MYO1D: variants seen among roughly 807,000 people sequenced by gnomAD.
MYO1D encodes myosin ID.
A neutral mutation model predicts 122.0 loss-of-function variants in MYO1D; 83 were observed. The ratio of observed to expected loss-of-function variants is 0.68; its 90% CI spans 0.57 to 0.82. The LOEUF (loss-of-function observed/expected upper bound fraction) is 0.82. Ranked by LOEUF, MYO1D falls within the 40% of genes least tolerant of loss-of-function variation. MYO1D has a pLI of 0.00. For synonymous variants in MYO1D, 464 were observed against 446.9 expected, an observed-to-expected ratio of 1.04 and a Z score of -0.48; for missense variants, 1,157 against 1,269.5, an observed-to-expected ratio of 0.91 and a Z score of 1.35.
intron 21 of MYO1D, among the ~76,000 whole-genome samples, chr17:32,540,469 T>C (rs544720903): frequency 6.6e-6 from 1 of 151,890 alleles, no homozygotes; most frequent in Admixed American, 6.6e-5. Context: ...GACAGCCCAG[T>C]TGAAAAGTAG....
intron 1 of MYO1D, among the ~76,000 whole-genome samples, chr17:32,808,268 A>T (rs2090536776): frequency 6.6e-6 from 1 of 151,850 alleles, no homozygotes; most frequent in Admixed American, 6.6e-5. Context: ...CTAGTTACTC[A>T]GGGGGCTGAG....
At chr17:32,596,558 T>C (rs1028943406) in intron 21 of MYO1D, among the ~76,000 whole-genome samples, 3 of 152,218 alleles carry the variant, frequency 2.0e-5, no homozygotes, top group Non-Finnish European at 4.4e-5. Flanking sequence ...GTGTGAGTTA[T>C]AAAGAACATA....
rs563722977 is a variant in MYO1D, at chr17:32,540,023, A to G, written c.2865-45108T>C. Among the ~76,000 whole-genome samples, 3 of 152,174 alleles carry G rather than the reference A, an allele frequency of 2.0e-5. No homozygotes were observed. In the East Asian group the frequency reaches 5.8e-4, roughly 29 times the overall value. ...AAACTGAATTTCGTCAAGATCAAAA[A>G]CTTTTGTGCTTCAAAGGATACTGCC... On this transcript the variant is annotated intron_variant, in intron 21 of 21. Coordinates refer to ENST00000318217, the MANE Select transcript of MYO1D (RefSeq NM_015194.3).
chr17:32,676,578 G>T (rs991776363), intron 16 of MYO1D, among the ~76,000 whole-genome samples: 20 of 151,990 alleles, frequency 1.3e-4, no homozygotes, highest in Middle Eastern at 3.4e-3. Context: ...ATGTCCAAGG[G>T]ACTTCTAGAG....
At chr17:32,787,422 CTTT>C (rs755065126) in intron 1 of MYO1D, among the ~76,000 whole-genome samples, 1 of 142,384 alleles carries the variant, frequency 7.0e-6, no homozygotes, top group Non-Finnish European at 1.5e-5. Flanking sequence ...GGTATGTACT[CTTT>C]TTTTTTTTTT....
At chr17:32,702,236 C>T (rs558713785) in intron 16 of MYO1D, among the ~76,000 whole-genome samples, 4 of 152,160 alleles carry the variant, frequency 2.6e-5, no homozygotes, top group Non-Finnish European at 5.9e-5. Context: ...CATATATGTA[C>T]GTGGTGTGCC....
At chr17:32,871,473 C>G (rs2091179868) in intron 1 of MYO1D, among the ~76,000 whole-genome samples, 1 of 152,164 alleles carries the variant, frequency 6.6e-6, no homozygotes, top group Admixed American at 6.5e-5. Flanking sequence ...CTTTGGCATG[C>G]ACAGTGCTTC....
intron 10 of MYO1D, among the ~76,000 whole-genome samples, chr17:32,755,926 C>T (rs2089943287): frequency 6.6e-6 from 1 of 152,168 alleles, no homozygotes; most frequent in Non-Finnish European, 1.5e-5. Flanking sequence ...GACACCATTT[C>T]TCCCATTACA....
chr17:32,846,962 G>A (rs7213093), intron 1 of MYO1D, among the ~76,000 whole-genome samples: 1,580 of 152,244 alleles, frequency 0.01, 16 homozygotes, highest in African/African-American at 0.035. Context: ...ACTCCAGCCT[G>A]GGGAACAGAA....
At chr17:32,853,678 T>C (rs1369780413) in intron 1 of MYO1D, among the ~76,000 whole-genome samples, 2 of 152,246 alleles carry the variant, frequency 1.3e-5, no homozygotes, top group Admixed American at 1.3e-4. Flanking sequence ...ATATAGTTGA[T>C]GGATAATTAA....
At chr17:32,536,484 G>A (rs757147303) in intron 21 of MYO1D, among the ~76,000 whole-genome samples, 4 of 152,148 alleles carry the variant, frequency 2.6e-5, no homozygotes, top group Non-Finnish European at 4.4e-5. Flanking sequence ...TATTATCATG[G>A]CCGAATTAGT....
chr17:32,725,542 G>A (rs2089562043), intron 14 of MYO1D, among the ~76,000 whole-genome samples: 1 of 150,924 alleles, frequency 6.6e-6, no homozygotes, highest in Non-Finnish European at 1.5e-5. Context: ...AAAGAAATAG[G>A]TGAAGAAAAA....
intron 21 of MYO1D, among the ~76,000 whole-genome samples, chr17:32,539,797 C>T (rs1910782848): frequency 6.6e-6 from 1 of 152,160 alleles, no homozygotes; most frequent in South Asian, 2.1e-4. Flanking sequence ...AGAACATGAA[C>T]ATCTCTTTGG....
chr17:32,752,785 G>C (rs1411547071), intron 11 of MYO1D, among the ~76,000 whole-genome samples: 1 of 152,146 alleles, frequency 6.6e-6, no homozygotes, highest in Non-Finnish European at 1.5e-5. Flanking sequence ...CATGGATGTG[G>C]AGAAAAGGAA....
chr17:32,816,237 C>G, intron 1 of MYO1D, among the ~76,000 whole-genome samples: 1 of 152,206 alleles, frequency 6.6e-6, no homozygotes, highest in Middle Eastern at 3.4e-3. Context: ...AAATTATCAA[C>G]AATCATATTA....
chr17:32,706,861 T>A (rs2089315157), intron 16 of MYO1D, among the ~76,000 whole-genome samples: 1 of 152,134 alleles, frequency 6.6e-6, no homozygotes. Flanking sequence ...CATGCCTGGC[T>A]AATTTTTTGT....
At chr17:32,731,638 C>T (rs1332261881) in intron 14 of MYO1D, among the ~76,000 whole-genome samples, 1 of 152,226 alleles carries the variant, frequency 6.6e-6, no homozygotes, top group African/African-American at 2.4e-5. Context: ...ATGATGCTGG[C>T]TGCAGTGGGG....
chr17:32,739,083 A>G (rs1236836232), intron 13 of MYO1D, among the ~76,000 whole-genome samples: 4 of 152,148 alleles, frequency 2.6e-5, no homozygotes, highest in Admixed American at 1.3e-4. Context: ...CTCTGTGGAG[A>G]TATTTTTAAA....
At position 32,721,015 on chromosome 17, in the gene MYO1D, A is replaced by G. The variant is rs754247916; in HGVS notation, c.1913+8T>C. On this transcript the variant is annotated splice_region_variant and intron_variant, in intron 15 of 21. Transcript: ENST00000318217. Reference sequence around the variant, plus strand: ...TGAACTAGGCCTCTCTGACGAGTCTATTCTCACCTGTGAAGAAACTTCTCG... The same window carrying G: ...TGAACTAGGCCTCTCTGACGAGTCTGTTCTCACCTGTGAAGAAACTTCTCG... The G allele has an allele frequency of 1.2e-6, 2 of 1,613,406 alleles. No individual in the cohort carries two copies. Among genetic ancestry groups the G allele is most frequent in the Non-Finnish European group, 1.7e-6 (2 of 1,179,540 alleles).
Sources: gnomAD v4.1 joint callset for allele counts (sites outside exome capture counted in the v4.1 genomes callset) on GRCh38, gnomAD v4.1.1 for gene constraint, MANE v1.5 for transcripts, NCBI Gene and HGNC (gene_info 2026-07-23, HGNC 2026-07-21) for gene names.